Variants in NEO1 observed in about 807,000 individuals in gnomAD.
NEO1 encodes neogenin 1.
A neutral mutation model predicts 159.7 loss-of-function variants in NEO1; 63 were observed. That is an observed-to-expected ratio of 0.39 (90% confidence interval 0.32 to 0.49). The LOEUF (loss-of-function observed/expected upper bound fraction) is 0.49. Ranked by LOEUF, NEO1 falls within the 20% of genes least tolerant of loss-of-function variation. NEO1 has a pLI of 0.85. For synonymous variants in NEO1, 633 were observed against 662.0 expected, an observed-to-expected ratio of 0.96 and a Z score of 0.67; for missense variants, 1,615 against 1,831.0, an observed-to-expected ratio of 0.88 and a Z score of 2.15.
chr15:73,278,049 G>T (rs531624625), intron 21 of NEO1, 82 bp from the exon 22 acceptor site: 3 of 1,247,858 alleles, frequency 2.4e-6, no homozygotes, highest in Admixed American at 2.1e-5. Flanking sequence ...TGTGTTTTTT[G>T]TTTAAAACAC....
chr15:73,151,167 A>T (rs184474726), intron 5 of NEO1, among the ~76,000 whole-genome samples: 1 of 152,126 alleles, frequency 6.6e-6, no homozygotes, highest in African/African-American at 2.4e-5. Flanking sequence ...TAGCATTTCT[A>T]TATGGTTTTA....
intron 5 of NEO1, among the ~76,000 whole-genome samples, chr15:73,168,400 T>C (rs1444159169): frequency 7.2e-6 from 1 of 138,392 alleles, no homozygotes; most frequent in African/African-American, 2.7e-5. Context: ...GGTCTCACCA[T>C]GTTGGCTAGG....
chr15:73,289,040 A>G (rs2042059198), intron 24 of NEO1, 106 bp from the exon 25 acceptor site: 2 of 787,276 alleles, frequency 2.5e-6, no homozygotes, highest in Middle Eastern at 2.3e-4. Flanking sequence ...TGTCCCCATT[A>G]TGCTGTTTGT....
chr15:73,279,782 T>C lies in NEO1; in HGVS notation c.3262+1583T>C, dbSNP rs72741442. On this transcript the variant is annotated intron_variant, in intron 22 of 28. Transcript: ENST00000261908. ...GTCTAACCCGGATCTTCAAGGATGC[T>C]AGAAGATTGCTAAATGTCAAGAAAG... Among the ~76,000 whole-genome samples, 1,023 of 152,302 alleles carry C rather than the reference T, an allele frequency of 6.7e-3. 5 individuals are homozygous for C. Among genetic ancestry groups the C allele is most frequent in the Non-Finnish European group, 0.011 (734 of 68,028 alleles).
chr15:73,107,098 A>G (rs1471890006), intron 1 of NEO1, among the ~76,000 whole-genome samples: 4 of 152,218 alleles, frequency 2.6e-5, no homozygotes, highest in Non-Finnish European at 5.9e-5. Flanking sequence ...TGTTACCATA[A>G]TTTATTGAAA....
At chr15:73,068,611 T>G (rs1394621016) in intron 1 of NEO1, among the ~76,000 whole-genome samples, 1 of 152,202 alleles carries the variant, frequency 6.6e-6, no homozygotes, top group Non-Finnish European at 1.5e-5. Flanking sequence ...CACATATGCT[T>G]GTCGCTATTC....
At chr15:73,222,381 G>C (rs1315426606) in intron 7 of NEO1, among the ~76,000 whole-genome samples, 3 of 151,898 alleles carry the variant, frequency 2.0e-5, no homozygotes, top group Non-Finnish European at 4.4e-5. Context: ...TGGGATTACA[G>C]GTGTGAGCCA....
intron 1 of NEO1, among the ~76,000 whole-genome samples, chr15:73,103,390 C>T (rs1036240985): frequency 6.6e-6 from 1 of 152,216 alleles, no homozygotes; most frequent in Non-Finnish European, 1.5e-5. Flanking sequence ...GCCACTTCCA[C>T]TGCCAGCTTG....
At chr15:73,056,796 A>G (rs2067722853) in intron 1 of NEO1, among the ~76,000 whole-genome samples, 1 of 152,084 alleles carries the variant, frequency 6.6e-6, no homozygotes, top group African/African-American at 2.4e-5. Context: ...CTGTAGTTTT[A>G]GCGTTTTTTT....
intron 1 of NEO1, among the ~76,000 whole-genome samples, chr15:73,084,764 A>T (rs531692729): frequency 6.6e-6 from 1 of 151,256 alleles, no homozygotes; most frequent in African/African-American, 2.4e-5. Context: ...TTATGTTTCA[A>T]TTTTACCTTT....
At chr15:73,113,606 T>G (rs1006284258) in intron 1 of NEO1, among the ~76,000 whole-genome samples, 10 of 152,188 alleles carry the variant, frequency 6.6e-5, no homozygotes, top group Admixed American at 1.3e-4. Context: ...CATCTTCATT[T>G]TGTACCTGTG....
At chr15:73,088,065 A>T (rs1262866434) in intron 1 of NEO1, among the ~76,000 whole-genome samples, 1 of 152,060 alleles carries the variant, frequency 6.6e-6, no homozygotes, top group Non-Finnish European at 1.5e-5. Flanking sequence ...AAGTATATAT[A>T]CGTTTTTACT....
chr15:73,225,835 A>C (rs924881712), intron 7 of NEO1, among the ~76,000 whole-genome samples: 3 of 151,864 alleles, frequency 2.0e-5, no homozygotes, highest in African/African-American at 7.3e-5. Flanking sequence ...AATTGTTACA[A>C]AGTTCAGCTG....
chr15:73,244,210 C>A, intron 8 of NEO1, 134 bp from the exon 9 acceptor site: 2 of 956,238 alleles, frequency 2.1e-6, no homozygotes, highest in Non-Finnish European at 3.0e-6. Context: ...CACTGTCCTA[C>A]CCCCAAAAGC....
chr15:73,107,461 T>C (rs1020791262), intron 1 of NEO1, among the ~76,000 whole-genome samples: 1 of 152,216 alleles, frequency 6.6e-6, no homozygotes, highest in Non-Finnish European at 1.5e-5. Flanking sequence ...GGAGATGTCC[T>C]GTTTAAAAAT....
At chr15:73,172,312 TC>T (rs1369842779) in intron 5 of NEO1, among the ~76,000 whole-genome samples, 5 of 152,192 alleles carry the variant, frequency 3.3e-5, no homozygotes, top group Non-Finnish European at 5.9e-5. Context: ...TGTATTAGTG[TC>T]CTTGCCTATA....
chr15:73,203,685 A>G (rs1361543815), intron 7 of NEO1, among the ~76,000 whole-genome samples: 1 of 152,088 alleles, frequency 6.6e-6, no homozygotes, highest in African/African-American at 2.4e-5. Flanking sequence ...TAACTAACCT[A>G]GGTTCTTAAG....
chr15:73,082,018 C>G, intron 1 of NEO1, among the ~76,000 whole-genome samples: 1 of 152,126 alleles, frequency 6.6e-6, no homozygotes. Context: ...GGACTACAGG[C>G]ATGCACCACT....
At chr15:73,108,572 G>A (rs2070806582) in intron 1 of NEO1, among the ~76,000 whole-genome samples, 1 of 138,628 alleles carries the variant, frequency 7.2e-6, no homozygotes, top group South Asian at 2.3e-4. Flanking sequence ...AAAAACCAAG[G>A]TGCAAATAGC....
Sources: allele counts gnomAD v4.1 joint callset (sites outside exome capture counted in the v4.1 genomes callset), GRCh38; gene constraint gnomAD v4.1.1; transcripts MANE v1.5; gene names NCBI Gene and HGNC (gene_info 2026-07-23, HGNC 2026-07-21).